The following PAM variants were observed in gnomAD, a reference collection of about 807,000 sequenced individuals.
PAM encodes the protein peptidylglycine alpha-amidating monooxygenase, also known as peptidyl-glycine alpha-amidating monooxygenase.
Under a neutral mutation model 122.1 loss-of-function variants are expected in PAM, and 72 were observed. The observed-to-expected ratio is 0.59, with a 90% CI of 0.49 to 0.72. The LOEUF (loss-of-function observed/expected upper bound fraction) is 0.72. Ranked by LOEUF, PAM falls within the 30% of genes least tolerant of loss-of-function variation. PAM has a pLI of 0.00. For missense variants in PAM, 1,106 were observed against 1,183.7 expected (o/e 0.93, Z 0.96); for synonymous variants, 389 against 404.4 (o/e 0.96, Z 0.46).
At chr5:103,023,940 G>A (rs1362907689) in intron 23 of PAM, among the ~76,000 whole-genome samples, 6 of 152,000 alleles carry the variant, frequency 3.9e-5, no homozygotes, top group South Asian at 4.2e-4. Context: ...AAATGATTTG[G>A]GAAACATTTA....
chr5:102,769,889 A>T (rs1755222370), intron 1 of PAM, among the ~76,000 whole-genome samples: 1 of 151,946 alleles, frequency 6.6e-6, no homozygotes, highest in Non-Finnish European at 1.5e-5. Context: ...TTCTATGGAG[A>T]ATTTCACTGG....
intron 4 of PAM, among the ~76,000 whole-genome samples, chr5:102,905,380 T>C (rs755557202): frequency 6.6e-5 from 10 of 151,728 alleles, no homozygotes; most frequent in African/African-American, 9.7e-5. Context: ...ATAGAAGCCA[T>C]TGAATTTAGA....
chr5:102,776,956 C>T (rs1397010081), intron 1 of PAM, among the ~76,000 whole-genome samples: 1 of 151,796 alleles, frequency 6.6e-6, no homozygotes, highest in Non-Finnish European at 1.5e-5. Flanking sequence ...CCCCCTGCTT[C>T]CTTGTATTTT....
At chr5:102,879,464 G>A (rs113886412) in intron 3 of PAM, among the ~76,000 whole-genome samples, 1 of 152,172 alleles carries the variant, frequency 6.6e-6, no homozygotes, top group African/African-American at 2.4e-5. Context: ...CCTGGTGGGA[G>A]GTGATTGGAT....
chr5:103,026,028 T>G (rs990935344), intron 24 of PAM, among the ~76,000 whole-genome samples: 2 of 152,210 alleles, frequency 1.3e-5, no homozygotes, highest in African/African-American at 4.8e-5. Context: ...AACAAACCAT[T>G]TGATAGTTTT....
chr5:102,892,393 C>A (rs1174297468), intron 3 of PAM, among the ~76,000 whole-genome samples: 1 of 151,838 alleles, frequency 6.6e-6, no homozygotes, highest in Non-Finnish European at 1.5e-5. Context: ...ATGTGAGAGA[C>A]TACATCTCTG....
chr5:102,826,580 A>C (rs1406219351), intron 1 of PAM, among the ~76,000 whole-genome samples: 1 of 152,202 alleles, frequency 6.6e-6, no homozygotes, highest in African/African-American at 2.4e-5. Flanking sequence ...TTTGAGATGC[A>C]CCAGAGATCC....
Position 102,773,836 on chromosome 5 carries a change from C to T in PAM, c.-374+18488C>T, listed in dbSNP as rs140123738. 3.0e-3 allele frequency among the ~76,000 whole-genome samples: 459 copies of T among 152,116 alleles called. 3 individuals carry two copies. The highest frequency in any genetic ancestry group is 0.01 in the African/African-American group (433 of 41,500). On this transcript the variant is annotated intron_variant, in intron 1 of 25. Coordinates refer to ENST00000438793, the MANE Select transcript of PAM (RefSeq NM_001177306.2). ...GACTTTTTGTCACCCAGGTATTAAG[C>T]CCAGTACATAATAGTTATCTTTTCT...
intron 1 of PAM, among the ~76,000 whole-genome samples, chr5:102,848,105 AT>A (rs1780401748): frequency 6.6e-6 from 1 of 152,042 alleles, no homozygotes; most frequent in Admixed American, 6.6e-5. Flanking sequence ...ATTCTGTAAA[AT>A]TTATTTGGAT....
chr5:102,980,981 G>A (rs1335592327), intron 15 of PAM, among the ~76,000 whole-genome samples: 1 of 151,966 alleles, frequency 6.6e-6, no homozygotes, highest in African/African-American at 2.4e-5. Context: ...TTCACTAAAG[G>A]TGTATATTTT....
At chr5:102,795,729 C>T (rs912418456) in intron 1 of PAM, among the ~76,000 whole-genome samples, 3 of 152,112 alleles carry the variant, frequency 2.0e-5, no homozygotes, top group African/African-American at 7.2e-5. Flanking sequence ...TGATCCCTAA[C>T]GGAAAGTCAC....
At chr5:102,807,512 AT>A (rs1766554166) in intron 1 of PAM, among the ~76,000 whole-genome samples, 1 of 152,152 alleles carries the variant, frequency 6.6e-6, no homozygotes, top group Non-Finnish European at 1.5e-5. Flanking sequence ...ATACCTTCTG[AT>A]TTTGTCTGGG....
chr5:102,939,401 C>A lies in PAM; in HGVS notation c.527-7436C>A, dbSNP rs184668090. On this transcript the variant is annotated intron_variant, in intron 7 of 25. Coordinates refer to ENST00000438793, the MANE Select transcript of PAM (RefSeq NM_001177306.2). ...TTGCAAGTACGTCTTATCCTTGTTT[C>A]ACAATTTAACTGTGATGTACCCCTA... 7.0e-4 allele frequency among the ~76,000 whole-genome samples: 107 copies of A among 152,186 alleles called. No individual in the cohort carries two copies. In the East Asian group the frequency reaches 0.019, roughly 27 times the overall value.
At chr5:102,855,470 T>A (rs544555437) in intron 1 of PAM, among the ~76,000 whole-genome samples, 1 of 152,308 alleles carries the variant, frequency 6.6e-6, no homozygotes, top group Admixed American at 6.5e-5. Flanking sequence ...GAGAAAACAC[T>A]TCTGTATGGA....
intron 15 of PAM, among the ~76,000 whole-genome samples, chr5:102,988,694 A>G (rs1241358374): frequency 9.1e-6 from 1 of 110,310 alleles, no homozygotes; most frequent in Non-Finnish European, 2.2e-5. Context: ...AAAGAAGGAA[A>G]GAAAGAGAAA....
At chr5:103,022,939 A>G (rs1784001350) in intron 23 of PAM, among the ~76,000 whole-genome samples, 1 of 152,142 alleles carries the variant, frequency 6.6e-6, no homozygotes, top group Admixed American at 6.6e-5. Context: ...TTTCTTTAGA[A>G]TGGAACATTT....
chr5:102,884,560 A>G (rs183248751), intron 3 of PAM, among the ~76,000 whole-genome samples: 1 of 151,954 alleles, frequency 6.6e-6, no homozygotes. Context: ...CATTAGCAAC[A>G]AAAGTGATTC....
chr5:102,952,901 C>T (rs890092803), intron 12 of PAM, among the ~76,000 whole-genome samples: 3 of 152,098 alleles, frequency 2.0e-5, no homozygotes, highest in Non-Finnish European at 4.4e-5. Flanking sequence ...AACACACATT[C>T]CCACAGGACA....
Position 102,926,659 on chromosome 5 carries a change from G to T in PAM, c.517G>T (p.Ala173Ser). 6.4e-7 allele frequency: 1 copy of T among 1,561,684 alleles called. No individual in the cohort carries two copies. The highest frequency in any genetic ancestry group is 1.1e-5 in the South Asian group (1 of 89,766). The change falls in exon 7 of 26, where the codon GCT becomes TCT. Residue 173 changes from alanine (A) to serine (S), a missense_variant. Ala to Ser is a moderately conservative substitution (Grantham distance 99). Transcript: ENST00000438793. ...ACAGGTACACTATGGGGATATTAGT[G>T]CTTTTAGAGGTAAGTTTTGAAGTGT... is the stretch of plus-strand genomic sequence containing the variant. ...VLQVHYGDIS[A>S]FRDNNKDCSG...
Sources: allele counts gnomAD v4.1 joint callset (sites outside exome capture counted in the v4.1 genomes callset), GRCh38; gene constraint gnomAD v4.1.1; transcripts MANE v1.5; gene names NCBI Gene and HGNC (gene_info 2026-07-23, HGNC 2026-07-21).